Variants in SDK2 observed in about 807,000 individuals in gnomAD.
The protein encoded by SDK2 is sidekick cell adhesion molecule 2, also known as protein sidekick-2.
In SDK2, 105 loss-of-function variants were observed where a neutral mutation model predicts 253.9. The ratio of observed to expected loss-of-function variants is 0.41; its 90% CI spans 0.35 to 0.49. The LOEUF is 0.49. Ranked by LOEUF, SDK2 falls within the 20% of genes least tolerant of loss-of-function variation. The probability of loss-of-function intolerance (pLI) is 0.06; values close to 1 mark genes in which losing one functional copy is unlikely to be tolerated. For missense variants in SDK2, 2,608 were observed against 3,003.0 expected, an observed-to-expected ratio of 0.87 and a Z score of 3.07; for synonymous variants, 1,249 against 1,234.9, an observed-to-expected ratio of 1.01 and a Z score of -0.24.
intron 2 of SDK2, among the ~76,000 whole-genome samples, chr17:73,505,774 A>G (rs554198288): frequency 1.5e-4 from 23 of 151,978 alleles, no homozygotes; most frequent in Non-Finnish European, 3.2e-4. Flanking sequence ...ATCATCGTCA[A>G]TAGCTGGACC....
intron 1 of SDK2, among the ~76,000 whole-genome samples, chr17:73,641,587 C>G (rs893690378): frequency 2.6e-5 from 4 of 152,028 alleles, no homozygotes; most frequent in African/African-American, 7.2e-5. Flanking sequence ...GCACCCACCC[C>G]CCATCCCCAA....
chr17:73,600,104 G>A (rs1044792870), intron 1 of SDK2, among the ~76,000 whole-genome samples: 1 of 152,208 alleles, frequency 6.6e-6, no homozygotes, highest in Non-Finnish European at 1.5e-5. Context: ...GGGGAAAGGG[G>A]TCCTTGTGCT....
At chr17:73,472,951 G>A (rs998547329) in intron 2 of SDK2, among the ~76,000 whole-genome samples, 4 of 152,178 alleles carry the variant, frequency 2.6e-5, no homozygotes, top group Non-Finnish European at 5.9e-5. Flanking sequence ...TGACTGTGAG[G>A]GCTCCCCAGC....
At chr17:73,377,221 T>C (rs1488356095) in intron 36 of SDK2, among the ~76,000 whole-genome samples, 44 of 150,710 alleles carry the variant, frequency 2.9e-4, no homozygotes, top group Middle Eastern at 3.5e-3. Context: ...TTTTTTTTTT[T>C]CTTTTTTTTT....
chr17:73,643,971 C>T lies in SDK2; in HGVS notation c.64+54G>A. 9.9e-7 allele frequency: 1 copy of T among 1,015,082 alleles called. No individual in the cohort carries two copies. The highest frequency in any genetic ancestry group is 1.4e-5 in the South Asian group (1 of 72,204). The allele number at this position is 1,015,082 out of a possible 1,614,324, so 62.9% of individuals were successfully genotyped here. The stretch of plus-strand genomic sequence containing the variant: ...GGCCGGCCAGCTCCCGCCGCCCCTC[C>T]CCCGCCCACTCTCCCAGCCCCCTCC... On this transcript the variant is annotated intron_variant, in intron 1 of 44. Coordinates refer to ENST00000392650, the MANE Select transcript of SDK2 (RefSeq NM_001144952.2). This position sits in a 1 kb window ranked among gnomAD's most constrained non-coding sequence, Gnocchi z 6.9.
chr17:73,578,256 G>T (rs2045484769), intron 1 of SDK2, among the ~76,000 whole-genome samples: 1 of 151,918 alleles, frequency 6.6e-6, no homozygotes, highest in Admixed American at 6.6e-5. Context: ...GTAGAGATGG[G>T]GTTTCACCAT....
intron 1 of SDK2, among the ~76,000 whole-genome samples, chr17:73,584,131 GC>G (rs2045572924): frequency 6.6e-6 from 1 of 152,218 alleles, no homozygotes; most frequent in African/African-American, 2.4e-5. Flanking sequence ...GGGCACCCAG[GC>G]AGGCAAAACA....
At chr17:73,407,700 G>A (rs1018717626) in intron 18 of SDK2, among the ~76,000 whole-genome samples, 9 of 152,130 alleles carry the variant, frequency 5.9e-5, no homozygotes, top group African/African-American at 1.9e-4. Flanking sequence ...TCCTCCCAAA[G>A]TGTTGGGATT....
intron 2 of SDK2, among the ~76,000 whole-genome samples, chr17:73,500,960 A>T (rs966859440): frequency 6.6e-6 from 1 of 151,978 alleles, no homozygotes; most frequent in African/African-American, 2.4e-5. Context: ...TTCTCCAGCC[A>T]GGGGGGTTGT....
chr17:73,433,908 G>A, intron 9 of SDK2, 60 bp from the exon 10 acceptor site: 2 of 1,217,490 alleles, frequency 1.6e-6, no homozygotes, highest in Non-Finnish European at 2.2e-6. Flanking sequence ...CCAAGCCAGA[G>A]GGCCAGGGGC....
chr17:73,368,628 C>T (rs2062707204), intron 36 of SDK2, 35 bp from the exon 37 acceptor site: 14 of 1,497,496 alleles, frequency 9.3e-6, no homozygotes, highest in Non-Finnish European at 1.3e-5. Context: ...GTGAGGGGGA[C>T]AGGGGCAATG....
intron 1 of SDK2, among the ~76,000 whole-genome samples, chr17:73,560,515 T>C (rs1165893762): frequency 2.6e-5 from 4 of 152,232 alleles, no homozygotes; most frequent in Admixed American, 6.5e-5. Context: ...AATTTTTGTA[T>C]TTTTAGTAGA....
rs751293920 is a variant in SDK2 at position 73,388,017 on chromosome 17, T to G, written c.4213A>C (p.Arg1405=). The G allele has an allele frequency of 1.0e-5, 16 of 1,568,476 alleles. No individual in the cohort carries two copies. The African/African-American group carries it at 1.1e-4, about 11-fold the overall frequency. The change falls in exon 30 of 45, where the codon AGG becomes CGG. Residue 1405 remains arginine (R), a synonymous_variant. Coordinates refer to ENST00000392650, the MANE Select transcript of SDK2 (RefSeq NM_001144952.2). ...ACATCCTCCTGCTGCACCATCGGCC[T>G]GCTGGGGGGCTGCGGACGGTCTGGG... ...EKRDRPQPPS[R]PMVQQEDVRA... is the part of the protein sequence containing the mutation.
intron 21 of SDK2, among the ~76,000 whole-genome samples, chr17:73,400,439 G>A (rs1354087270): frequency 1.3e-5 from 2 of 152,218 alleles, no homozygotes; most frequent in African/African-American, 4.8e-5. Context: ...AGAAATGGGT[G>A]AAGGGAGGGA....
chr17:73,592,020 A>G lies in SDK2; in HGVS notation c.64+52005T>C, dbSNP rs577140965. ...GAATGCACCTTGCAGTTTCTCACCC[A>G]CATGAGGGGGGAGTTGATCTCTGCG... On this transcript the variant is annotated intron_variant, in intron 1 of 44. Transcript: ENST00000392650. Among the ~76,000 whole-genome samples, 47 of 152,300 alleles carry G rather than the reference A, an allele frequency of 3.1e-4. No homozygotes were observed. The South Asian group carries it at 5.4e-3, about 18-fold the overall frequency.
intron 36 of SDK2, among the ~76,000 whole-genome samples, chr17:73,376,998 T>A (rs2062787077): frequency 1.3e-5 from 2 of 151,924 alleles, no homozygotes; most frequent in Non-Finnish European, 2.9e-5. Context: ...CTCCCACCTG[T>A]GGGATGAGGT....
chr17:73,358,631 C>T lies in SDK2; in HGVS notation c.5468-427G>A, dbSNP rs115745459. Among the ~76,000 whole-genome samples the T allele has an allele frequency of 9.2e-3, 1,395 of 151,996 alleles. 19 individuals carry two copies. Among genetic ancestry groups the T allele is most frequent in the Middle Eastern group, 0.031 (9 of 294 alleles). On this transcript the variant is annotated intron_variant, in intron 39 of 44. Transcript: ENST00000392650. ...GGATGGTGGGGAATAGAGGTGGGTG[C>T]GATGATGGCAGAGTGGGCCCATGAG... is the stretch of plus-strand genomic sequence containing the variant.
rs2044872648 is a variant in SDK2 at position 73,541,762 on chromosome 17, G to T, written c.65-34165C>A. Among the ~76,000 whole-genome samples, 1 of 152,202 alleles carries T rather than the reference G, an allele frequency of 6.6e-6. No individual in the cohort carries two copies. The highest frequency in any genetic ancestry group is 2.1e-4 in the South Asian group (1 of 4,830). ...CGCTGAGTGACAGGAATGTGCAGACGTTGAATTAAAAGCAGCTTGGCACAA... is the reference window on the plus strand; with the variant it reads ...CGCTGAGTGACAGGAATGTGCAGACTTTGAATTAAAAGCAGCTTGGCACAA... On this transcript the variant is annotated intron_variant, in intron 1 of 44. Transcript: ENST00000392650. The surrounding 1 kb of genome is among the most constrained non-coding windows in gnomAD (Gnocchi z 4.3).
chr17:73,428,242 T>G (rs2063298922), intron 12 of SDK2, among the ~76,000 whole-genome samples: 1 of 152,148 alleles, frequency 6.6e-6, no homozygotes, highest in Non-Finnish European at 1.5e-5. Context: ...TTTTTTGTAT[T>G]TTTAGTAGAG....
Sources: allele counts gnomAD v4.1 joint callset (sites outside exome capture counted in the v4.1 genomes callset), GRCh38; gene constraint gnomAD v4.1.1; non-coding constraint Gnocchi (gnomAD v3.1); transcripts MANE v1.5; gene names NCBI Gene and HGNC (gene_info 2026-07-23, HGNC 2026-07-21).